Variants in MCU observed in about 807,000 individuals in gnomAD.
The protein encoded by MCU is calcium uniporter protein, mitochondrial.
In MCU, 12 loss-of-function variants were observed where a neutral mutation model predicts 45.2. The observed-to-expected ratio is 0.27, with a 90% CI of 0.17 to 0.43. MCU has a LOEUF of 0.43. Ranked by LOEUF, MCU falls within the 20% of genes least tolerant of loss-of-function variation. The pLI is 1.00. For missense variants in MCU, 324 were observed against 436.7 expected, an observed-to-expected ratio of 0.74 and a Z score of 2.30; for synonymous variants, 160 against 165.1, an observed-to-expected ratio of 0.97 and a Z score of 0.24.
chr10:72,734,752 C>A (rs1045531860), intron 1 of MCU, among the ~76,000 whole-genome samples: 6 of 151,884 alleles, frequency 4.0e-5, no homozygotes, highest in Admixed American at 3.3e-4. Flanking sequence ...TAGCTAGGAC[C>A]AAAGGCGTGT....
intron 4 of MCU, among the ~76,000 whole-genome samples, chr10:72,866,024 T>G (rs1052143872): frequency 1.5e-4 from 22 of 151,640 alleles, no homozygotes; most frequent in East Asian, 7.7e-4. Context: ...TGATCCGCCC[T>G]CCTTGGCCTC....
intron 1 of MCU, among the ~76,000 whole-genome samples, chr10:72,706,778 G>T (rs549682107): frequency 1.5e-4 from 22 of 149,644 alleles, no homozygotes; most frequent in African/African-American, 5.4e-4. Context: ...CTCACGATCT[G>T]CCCGCCTTGG....
intron 1 of MCU, among the ~76,000 whole-genome samples, chr10:72,805,161 G>GTCTC (rs1189878221): frequency 9.7e-5 from 3 of 31,008 alleles, no homozygotes; most frequent in Admixed American, 5.3e-4. Context: ...CTTTCTTTCT[G>GTCTC]TCTCTCTCTC....
intron 6 of MCU, among the ~76,000 whole-genome samples, chr10:72,879,597 G>T (rs1465461135): frequency 1.3e-5 from 2 of 152,098 alleles, no homozygotes; most frequent in Non-Finnish European, 2.9e-5. Context: ...ATGTTCTTTG[G>T]GCAGAAGAAA....
intron 1 of MCU, among the ~76,000 whole-genome samples, chr10:72,811,857 A>G (rs1844548320): frequency 1.3e-5 from 2 of 152,164 alleles, no homozygotes. Context: ...TTTCAGTATT[A>G]TTTTCATATA....
At chr10:72,852,008 C>T (rs1771195487) in intron 2 of MCU, among the ~76,000 whole-genome samples, 1 of 152,136 alleles carries the variant, frequency 6.6e-6, no homozygotes, top group Admixed American at 6.6e-5. Context: ...GCTTCAAGAT[C>T]CTCCAAATAT....
chr10:72,722,474 G>C (rs960506651), intron 1 of MCU, among the ~76,000 whole-genome samples: 1 of 151,324 alleles, frequency 6.6e-6, no homozygotes, highest in Non-Finnish European at 1.5e-5. Context: ...ATATTACAGT[G>C]AGGTAACAAG....
At chr10:72,742,732 G>A (rs1324116370) in intron 1 of MCU, among the ~76,000 whole-genome samples, 8 of 152,106 alleles carry the variant, frequency 5.3e-5, no homozygotes, top group Admixed American at 4.6e-4. Flanking sequence ...CATGGGCAGG[G>A]GCTGAACTAT....
At chr10:72,719,718 A>G (rs1438407201) in intron 1 of MCU, among the ~76,000 whole-genome samples, 1 of 152,108 alleles carries the variant, frequency 6.6e-6, no homozygotes, top group Non-Finnish European at 1.5e-5. Context: ...AGGATAAATC[A>G]CCTCAGGCAT....
intron 6 of MCU, among the ~76,000 whole-genome samples, chr10:72,879,920 C>T (rs777431601): frequency 6.6e-6 from 1 of 152,068 alleles, no homozygotes; most frequent in East Asian, 1.9e-4. Flanking sequence ...TGGTGGCACA[C>T]ACCTGTAATT....
chr10:72,797,391 T>G (rs2132773588), intron 1 of MCU, among the ~76,000 whole-genome samples: 1 of 150,910 alleles, frequency 6.6e-6, no homozygotes, highest in South Asian at 2.1e-4. Context: ...GCCCAGCTAA[T>G]TTTTTTGTAG....
At chr10:72,813,544 C>T (rs1186214736) in intron 1 of MCU, among the ~76,000 whole-genome samples, 5 of 145,990 alleles carry the variant, frequency 3.4e-5, no homozygotes, top group Admixed American at 7.1e-5. Context: ...CTGCAACTTC[C>T]GCCTCCTGGG....
intron 1 of MCU, among the ~76,000 whole-genome samples, chr10:72,710,190 A>C (rs375140312): frequency 5.7e-4 from 86 of 152,170 alleles, no homozygotes; most frequent in East Asian, 5.8e-4. Context: ...GTTGGCCAGG[A>C]TGGTCTTGAT....
At chr10:72,692,788 C>G in intron 1 of MCU, 1 of 1,409,758 alleles carries the variant, frequency 7.1e-7, no homozygotes, top group Non-Finnish European at 9.2e-7. Flanking sequence ...CGGAGAGCAG[C>G]CCAGGACCCC....
intron 2 of MCU, among the ~76,000 whole-genome samples, chr10:72,858,187 CA>C (rs1370704305): frequency 7.2e-5 from 11 of 152,116 alleles, no homozygotes; most frequent in African/African-American, 2.7e-4. Flanking sequence ...GCCAAATATA[CA>C]TACTCAGTAC....
intron 1 of MCU, among the ~76,000 whole-genome samples, chr10:72,755,516 A>G (rs544708288): frequency 9.2e-5 from 14 of 152,204 alleles, no homozygotes; most frequent in Non-Finnish European, 1.8e-4. Context: ...GGGAACAATT[A>G]TACCTATCCA....
chr10:72,768,580 A>G (rs1259267877), intron 1 of MCU, among the ~76,000 whole-genome samples: 7 of 151,952 alleles, frequency 4.6e-5, no homozygotes, highest in Non-Finnish European at 8.8e-5. Flanking sequence ...GATAGTTTCA[A>G]CCTCTTAAAT....
chr10:72,838,175 A>T (rs1273061888), intron 2 of MCU, among the ~76,000 whole-genome samples: 1 of 152,102 alleles, frequency 6.6e-6, no homozygotes, highest in Admixed American at 6.6e-5. Context: ...AATACTTTTT[A>T]ATAGTGTAGA....
At chr10:72,859,784 A>G (rs1377938990) in intron 3 of MCU, among the ~76,000 whole-genome samples, 1 of 152,194 alleles carries the variant, frequency 6.6e-6, no homozygotes, top group African/African-American at 2.4e-5. Flanking sequence ...TTACCATTTT[A>G]TGTATTTAAT....
Sources: gnomAD v4.1 joint callset for allele counts (sites outside exome capture counted in the v4.1 genomes callset) on GRCh38, gnomAD v4.1.1 for gene constraint, MANE v1.5 for transcripts, NCBI Gene and HGNC (gene_info 2026-07-23, HGNC 2026-07-21) for gene names.